Variants in SH3TC2 observed in about 807,000 individuals in gnomAD.
The protein encoded by SH3TC2 is SH3 domain and tetratricopeptide repeat-containing protein 2.
In SH3TC2, 87 loss-of-function variants were observed where a neutral mutation model predicts 124.5. The ratio of observed to expected loss-of-function variants is 0.70; its 90% CI spans 0.59 to 0.84. The LOEUF (loss-of-function observed/expected upper bound fraction) is 0.84. SH3TC2 is among the 40% of genes least tolerant of loss of function. The pLI is 0.00. For missense variants in SH3TC2, 1,536 were observed against 1,566.4 expected (o/e 0.98, Z 0.33); for synonymous variants, 634 against 628.5 (o/e 1.01, Z -0.13).
rs76014357 is a variant in SH3TC2, at chr5:149,005,000, G to C, written c.3676-98C>G. ...CTGGCCACTCTAGTTTTTTTTGTTT[G>C]TTTGTTTGTTTGTTTGTTTGCCCAA... is the stretch of plus-strand genomic sequence containing the variant. On this transcript the variant is annotated intron_variant, in intron 16 of 16. Transcript: ENST00000515425. 10,396 of 1,242,238 alleles carry C rather than the reference G, an allele frequency of 8.4e-3. 642 individuals carry two copies. The African/African-American group carries it at 0.14, about 16-fold the overall frequency. The allele number at this position is 1,242,238 out of a possible 1,614,324, so 77.0% of individuals were successfully genotyped here.
chr5:149,049,341 C>A (rs372205618), intron 2 of SH3TC2, among the ~76,000 whole-genome samples: 1 of 152,198 alleles, frequency 6.6e-6, no homozygotes, highest in African/African-American at 2.4e-5. Context: ...GGAGGGGTCA[C>A]GCAGTCTCCA....
intron 2 of SH3TC2, 50 bp from the exon 3 acceptor site, chr5:149,048,039 G>T (rs757770485): frequency 3.7e-6 from 6 of 1,610,754 alleles, no homozygotes; most frequent in Non-Finnish European, 5.1e-6. Flanking sequence ...GAATAAAAAG[G>T]AAGAAAGAGT....
At chr5:149,054,869 G>C (rs1754615498) in intron 1 of SH3TC2, among the ~76,000 whole-genome samples, 1 of 152,180 alleles carries the variant, frequency 6.6e-6, no homozygotes, top group Admixed American at 6.5e-5. Context: ...GCCTGACAAT[G>C]AGGGCTTGTG....
At chr5:149,014,878 G>C (rs909369355) in intron 12 of SH3TC2, among the ~76,000 whole-genome samples, 17 of 152,172 alleles carry the variant, frequency 1.1e-4, no homozygotes, top group African/African-American at 3.9e-4. Flanking sequence ...ACTCTCACTA[G>C]AGCAGTTGAT....
intron 14 of SH3TC2, among the ~76,000 whole-genome samples, chr5:149,009,908 A>G (rs949322984): frequency 1.3e-5 from 2 of 152,156 alleles, no homozygotes; most frequent in Non-Finnish European, 2.9e-5. Context: ...CCTTTAAATA[A>G]TCTCCCACCA....
chr5:149,041,852 A>G (rs1754377092), intron 5 of SH3TC2, among the ~76,000 whole-genome samples: 1 of 152,238 alleles, frequency 6.6e-6, no homozygotes, highest in African/African-American at 2.4e-5. Flanking sequence ...CATTTCTAAT[A>G]ATCTATGAGA....
At chr5:149,019,950 G>T (rs1194649130) in intron 12 of SH3TC2, among the ~76,000 whole-genome samples, 1 of 152,198 alleles carries the variant, frequency 6.6e-6, no homozygotes. Context: ...TTCCCTGGAA[G>T]CCTCTGCTCA....
At chr5:149,007,487 T>C (rs1442499555) in intron 15 of SH3TC2, 1 of 389,634 alleles carries the variant, frequency 2.6e-6, no homozygotes, top group South Asian at 3.4e-5. Flanking sequence ...TCTAGCTTGA[T>C]GGAGTAGCTA....
intron 12 of SH3TC2, among the ~76,000 whole-genome samples, chr5:149,023,388 G>A (rs187464584): frequency 9.2e-5 from 14 of 152,020 alleles, no homozygotes; most frequent in East Asian, 3.9e-4. Flanking sequence ...TAACTAAAAC[G>A]TGCATATTAT....
chr5:149,013,521 C>G (rs1753819620), intron 12 of SH3TC2, among the ~76,000 whole-genome samples: 1 of 152,086 alleles, frequency 6.6e-6, no homozygotes, highest in Non-Finnish European at 1.5e-5. Context: ...AAATGCATAC[C>G]TATTGAGTGA....
intron 5 of SH3TC2, among the ~76,000 whole-genome samples, chr5:149,042,062 C>T (rs1292581986): frequency 2.6e-5 from 4 of 152,116 alleles, no homozygotes; most frequent in Non-Finnish European, 4.4e-5. Flanking sequence ...TTCCTTCATG[C>T]AATATTTCTG....
At chr5:149,018,554 A>G (rs892174971) in intron 12 of SH3TC2, among the ~76,000 whole-genome samples, 1 of 152,154 alleles carries the variant, frequency 6.6e-6, no homozygotes, top group Non-Finnish European at 1.5e-5. Context: ...AAACCATCAG[A>G]TCGCATGAGA....
In SH3TC2 at chr5:149,041,597, G is replaced by A. The variant is rs1210183194; in HGVS notation, c.550C>T (p.Leu184=). 4.3e-6 allele frequency: 7 copies of A among 1,614,208 alleles called. No homozygotes were observed. The highest frequency in any genetic ancestry group is 1.1e-5 in the South Asian group (1 of 91,076). ...IQEGHFFCRA[L]CSVTPPAEKE... ...TCGGCTGGTGGAGTCACGGAGCACAGGGCTCTGCAGAAGAAGTGGCCTGTG... is the reference window on the plus strand; with the variant it reads ...TCGGCTGGTGGAGTCACGGAGCACAAGGCTCTGCAGAAGAAGTGGCCTGTG... Residue 184 remains leucine (L), a synonymous_variant, in exon 6 of 17, where the codon CTG becomes TTG. Coordinates refer to ENST00000515425, the MANE Select transcript of SH3TC2 (RefSeq NM_024577.4).
In SH3TC2 at chr5:148,999,725, C is replaced by G. The variant is rs1358925638; in HGVS notation, c.*4986G>C. ...CAATCGCCAAGTCCTAATGTGTTTT[C>G]TACCTTCTCCACTGCTGCCCTAATC... On this transcript the variant is annotated 3_prime_UTR_variant, in exon 17 of 17. Transcript: ENST00000515425. 6.6e-6 allele frequency among the ~76,000 whole-genome samples: 1 copy of G among 152,206 alleles called. No homozygotes were observed. The highest frequency in any genetic ancestry group is 1.9e-4 in the East Asian group (1 of 5,198).
rs561147251 is a variant in SH3TC2 at position 149,002,969 on chromosome 5, G to A, written c.*1742C>T. 19 of 153,056 alleles carry A rather than the reference G, an allele frequency of 1.2e-4. No homozygotes were observed. The highest frequency in any genetic ancestry group is 4.6e-4 in the African/African-American group (19 of 41,564). The allele number at this position is 153,056 out of a possible 1,614,324, so 9.5% of individuals were successfully genotyped here. A position where few individuals can be genotyped will look rare whatever the true frequency, so the allele number is the denominator to read the frequency against. ...ACCAGGAAAGCTTGGACGAGTCAGCGTTCTGGGATCCAGAGATTCTGATTC... is the reference window on the plus strand; with the variant it reads ...ACCAGGAAAGCTTGGACGAGTCAGCATTCTGGGATCCAGAGATTCTGATTC... On this transcript the variant is annotated 3_prime_UTR_variant, in exon 17 of 17. Transcript: ENST00000515425.
At chr5:149,036,407 G>A (rs956983282) in intron 8 of SH3TC2, among the ~76,000 whole-genome samples, 2 of 152,192 alleles carry the variant, frequency 1.3e-5, no homozygotes, top group Admixed American at 1.3e-4. Context: ...CCTCTCTGTG[G>A]CTCCTCTGTT....
At position 148,994,663 on chromosome 5, in the gene SH3TC2, A is replaced by G. The variant is rs1753476767; in HGVS notation, c.*10048T>C. 3.1e-5 allele frequency among the ~76,000 whole-genome samples: 4 copies of G among 130,532 alleles called. No individual in the cohort carries two copies. The highest frequency in any genetic ancestry group is 5.1e-5 in the Non-Finnish European group (3 of 59,106). 85.6% of individuals were successfully genotyped at this position (130,532 alleles called of 152,430 possible). A position where few individuals can be genotyped will look rare whatever the true frequency, so the allele number is the denominator to read the frequency against. ...GGTTGGTTGGTTGGTTGGTTGGTTAATTGGCTGGTTGGATAAATGAATGGA... is the reference window on the plus strand; with the variant it reads ...GGTTGGTTGGTTGGTTGGTTGGTTAGTTGGCTGGTTGGATAAATGAATGGA... On this transcript the variant is annotated 3_prime_UTR_variant, in exon 17 of 17. Coordinates refer to ENST00000515425, the MANE Select transcript of SH3TC2 (RefSeq NM_024577.4).
At chr5:149,050,520 A>G (rs1479985251) in intron 2 of SH3TC2, among the ~76,000 whole-genome samples, 1 of 152,200 alleles carries the variant, frequency 6.6e-6, no homozygotes, top group Non-Finnish European at 1.5e-5. Context: ...ACTGGCCTTC[A>G]TGCATTGATA....
rs1754492158 is a variant in SH3TC2 at position 149,047,879 on chromosome 5, C to T, written c.262G>A (p.Val88Met). ...ATGCTCACCTTAAACAGCATGCGCA[C>T]CTCCTGGTCCTCATTCTCCAGTGCC... ...LWALENEDQE[V>M]RMLFKDLSAR... Residue 88 changes from valine (V) to methionine (M), a missense_variant, in exon 3 of 17, where the codon GTG (valine) becomes ATG (methionine). Physicochemically the swap from Val to Met is conservative, Grantham distance 21 (BLOSUM62 1). Transcript: ENST00000515425. The T allele has an allele frequency of 6.2e-7, 1 of 1,614,152 alleles. No individual in the cohort carries two copies. Among genetic ancestry groups the T allele is most frequent in the African/African-American group, 1.3e-5 (1 of 75,034 alleles).
Sources: gnomAD v4.1 joint callset for allele counts (sites outside exome capture counted in the v4.1 genomes callset) on GRCh38, gnomAD v4.1.1 for gene constraint, MANE v1.5 for transcripts, NCBI Gene and HGNC (gene_info 2026-07-23, HGNC 2026-07-21) for gene names.